The following ADGRL2 variants were observed in gnomAD, a reference collection of about 807,000 sequenced individuals.
ADGRL2 encodes adhesion G protein-coupled receptor L2, also known as calcium-independent alpha-latrotoxin receptor 2.
A neutral mutation model predicts 157.4 loss-of-function variants in ADGRL2; 44 were observed. That is an observed-to-expected ratio of 0.28 (90% CI 0.22 to 0.36). ADGRL2 has a LOEUF of 0.36. Ranked by LOEUF, ADGRL2 falls within the 10% of genes least tolerant of loss-of-function variation. The pLI is 1.00. For synonymous variants in ADGRL2, 585 were observed against 624.7 expected, an observed-to-expected ratio of 0.94 and a Z score of 0.95; for missense variants, 1,510 against 1,768.9, an observed-to-expected ratio of 0.85 and a Z score of 2.63.
chr1:81,922,482 G>C (rs2095005753), intron 3 of ADGRL2, among the ~76,000 whole-genome samples: 1 of 152,058 alleles, frequency 6.6e-6, no homozygotes, highest in African/African-American at 2.4e-5. Context: ...AATAGCACTA[G>C]GATTTGAGTC....
At chr1:81,721,406 A>G (rs975179863) in intron 1 of ADGRL2, among the ~76,000 whole-genome samples, 2 of 152,072 alleles carry the variant, frequency 1.3e-5, no homozygotes, top group African/African-American at 2.4e-5. Context: ...TATCCAAACA[A>G]CCGACCCAAA....
At chr1:81,593,753 G>C (rs2081177628) in intron 3 of ADGRL2, among the ~76,000 whole-genome samples, 1 of 152,106 alleles carries the variant, frequency 6.6e-6, no homozygotes, top group South Asian at 2.1e-4. Context: ...AGTTCCTTCT[G>C]TAGACAAACA....
intron 1 of ADGRL2, among the ~76,000 whole-genome samples, chr1:81,439,867 A>G (rs1224580184): frequency 3.3e-5 from 5 of 152,218 alleles, no homozygotes; most frequent in Admixed American, 1.3e-4. Context: ...TCCAGTGTCC[A>G]AGAAGAATGA....
intron 2 of ADGRL2, among the ~76,000 whole-genome samples, chr1:81,511,092 A>G (rs941494871): frequency 6.6e-6 from 1 of 152,184 alleles, no homozygotes; most frequent in Non-Finnish European, 1.5e-5. Flanking sequence ...AATATAAATT[A>G]CTACCTCTCA....
chr1:81,421,850 A>G (rs1014400596), intron 1 of ADGRL2, among the ~76,000 whole-genome samples: 1 of 152,238 alleles, frequency 6.6e-6, no homozygotes, highest in African/African-American at 2.4e-5. Flanking sequence ...GTTTAATTGC[A>G]TAGATTATGT....
intron 3 of ADGRL2, among the ~76,000 whole-genome samples, chr1:81,612,335 A>C (rs187573893): frequency 1.3e-5 from 2 of 152,290 alleles, no homozygotes; most frequent in Non-Finnish European, 2.9e-5. Flanking sequence ...CCTTCCATTG[A>C]ATCTCCTGGG....
At chr1:81,928,587 A>G (rs757490628) in intron 3 of ADGRL2, among the ~76,000 whole-genome samples, 2 of 152,096 alleles carry the variant, frequency 1.3e-5, no homozygotes, top group Non-Finnish European at 2.9e-5. Context: ...CCTGAACAGA[A>G]TGTAATTTAC....
intron 3 of ADGRL2, among the ~76,000 whole-genome samples, chr1:81,584,477 G>C (rs1054580165): frequency 1.3e-5 from 2 of 152,114 alleles, no homozygotes; most frequent in African/African-American, 4.8e-5. Flanking sequence ...GTCTGCAGCT[G>C]TATTTTGTTG....
rs1664916787 is a variant in ADGRL2, at chr1:81,993,190, C to T, written c.*2045C>T. On this transcript the variant is annotated 3_prime_UTR_variant, in exon 24 of 24. Coordinates refer to ENST00000686636, the MANE Select transcript of ADGRL2 (RefSeq NM_001366006.2). ...GATCTCGGCTCACTGCAACCTCCGC[C>T]TCCCAGGTTCTCAAACAGATTTAAC... Among the ~76,000 whole-genome samples the T allele has an allele frequency of 7.2e-6, 1 of 139,120 alleles. No individual in the cohort carries two copies. The highest frequency in any genetic ancestry group is 2.7e-5 in the African/African-American group (1 of 36,950). The allele number at this position is 139,120 out of a possible 152,430, so 91.3% of individuals were successfully genotyped here.
At chr1:81,454,332 T>C (rs1426905161) in intron 2 of ADGRL2, among the ~76,000 whole-genome samples, 2 of 152,244 alleles carry the variant, frequency 1.3e-5, no homozygotes, top group Admixed American at 6.5e-5. Context: ...AATACTTTGT[T>C]ATGCACAAAC....
At chr1:81,586,302 T>C (rs2081024473) in intron 3 of ADGRL2, 1 of 151,954 alleles carries the variant, frequency 6.6e-6, no homozygotes, top group Non-Finnish European at 1.5e-5. Context: ...AATTCTTCTA[T>C]TGTGCGCCCT....
At chr1:81,868,060 GGT>G (rs145794673) in intron 2 of ADGRL2, among the ~76,000 whole-genome samples, 5,907 of 145,570 alleles carry the variant, frequency 0.041, 205 homozygotes, top group African/African-American at 0.1. Flanking sequence ...GTGTGTGTGT[GGT>G]GTGTGTGTGT....
chr1:81,733,972 C>A (rs1293941870), intron 1 of ADGRL2, among the ~76,000 whole-genome samples: 5 of 152,084 alleles, frequency 3.3e-5, no homozygotes, highest in African/African-American at 9.7e-5. Context: ...GCACATGTAT[C>A]CCTGAACTTA....
chr1:81,963,169 C>CT (rs11380626), intron 11 of ADGRL2, among the ~76,000 whole-genome samples: 41,897 of 137,724 alleles, frequency 0.3, 6,305 homozygotes, highest in Middle Eastern at 0.43. Flanking sequence ...ACTTATACTT[C>CT]TTTTTTTTAT....
intron 4 of ADGRL2, among the ~76,000 whole-genome samples, chr1:81,940,760 G>A (rs1182645492): frequency 1.3e-5 from 2 of 151,482 alleles, no homozygotes; most frequent in Non-Finnish European, 3.0e-5. Context: ...AACAGAAAAG[G>A]GAGAAACAGA....
intron 1 of ADGRL2, among the ~76,000 whole-genome samples, chr1:81,754,985 T>A (rs2085634617): frequency 6.6e-6 from 1 of 151,754 alleles, no homozygotes; most frequent in Non-Finnish European, 1.5e-5. Context: ...GGTGAAAATA[T>A]CAAGCAAAAA....
At chr1:81,439,953 T>G (rs553038172) in intron 1 of ADGRL2, among the ~76,000 whole-genome samples, 5 of 152,348 alleles carry the variant, frequency 3.3e-5, no homozygotes, top group African/African-American at 1.2e-4. Flanking sequence ...AAAGGCTGTC[T>G]GTTCCCCAAA....
chr1:81,702,664 T>C lies in ADGRL2; in HGVS notation c.-143+2856T>C, dbSNP rs551338650. Among the ~76,000 whole-genome samples, 12 of 152,218 alleles carry C rather than the reference T, an allele frequency of 7.9e-5. No individual in the cohort carries two copies. The South Asian group carries it at 2.5e-3, about 32-fold the overall frequency. On this transcript the variant is annotated intron_variant, in intron 1 of 20. Transcript: ENST00000359929. ...AAACAAAAACAAAAACAAAAACAAATTTCCAAAATATGTATGAATTAAGAA... is the reference window on the plus strand; with the variant it reads ...AAACAAAAACAAAAACAAAAACAAACTTCCAAAATATGTATGAATTAAGAA...
intron 1 of ADGRL2, among the ~76,000 whole-genome samples, chr1:81,351,487 T>A (rs1409108582): frequency 6.6e-6 from 1 of 152,078 alleles, no homozygotes; most frequent in Non-Finnish European, 1.5e-5. Context: ...AAAATAAATT[T>A]TAAAGTCAAC....
Sources: allele counts gnomAD v4.1 joint callset (sites outside exome capture counted in the v4.1 genomes callset), GRCh38; gene constraint gnomAD v4.1.1; transcripts MANE v1.5; gene names NCBI Gene and HGNC (gene_info 2026-07-23, HGNC 2026-07-21).